Variants in ATP6V1A observed in about 807,000 individuals in gnomAD.
ATP6V1A encodes the protein ATPase H+ transporting V1 subunit A, also known as V-type proton ATPase catalytic subunit A.
A neutral mutation model predicts 70.1 loss-of-function variants in ATP6V1A; 18 were observed. The observed-to-expected ratio is 0.26, with a 90% CI of 0.18 to 0.38. The LOEUF is 0.38. ATP6V1A is among the 10% of genes least tolerant of loss of function. ATP6V1A has a pLI of 1.00. For synonymous variants in ATP6V1A, 232 were observed against 253.8 expected, an observed-to-expected ratio of 0.91 and a Z score of 0.82; for missense variants, 424 against 772.4, an observed-to-expected ratio of 0.55 and a Z score of 5.35.
At chr3:113,793,961 A>G (rs1282715960) in intron 8 of ATP6V1A, among the ~76,000 whole-genome samples, 2 of 152,132 alleles carry the variant, frequency 1.3e-5, no homozygotes, top group Non-Finnish European at 2.9e-5. Flanking sequence ...CATTTATTTA[A>G]TTCACTTCAT....
chr3:113,765,155 G>C (rs1708753773), intron 1 of ATP6V1A, among the ~76,000 whole-genome samples: 1 of 152,030 alleles, frequency 6.6e-6, no homozygotes, highest in Non-Finnish European at 1.5e-5. Context: ...TTAATATTCT[G>C]ATTATCCTCA....
At position 113,784,795 on chromosome 3, in the gene ATP6V1A, G is replaced by A; in HGVS notation, c.526G>A (p.Val176Ile). ...GTTACCCCCACGAAACAGAGGAACT[G>A]TAACTTACATTGCTCCACCTGGGAA... The part of the protein sequence containing the change: ...IMLPPRNRGT[V>I]TYIAPPGNYD... Residue 176 changes from valine to isoleucine, a missense_variant, in exon 5 of 15, where the codon GTA (valine) becomes ATA (isoleucine). Coordinates refer to ENST00000273398, the MANE Select transcript of ATP6V1A (RefSeq NM_001690.4). 6.2e-7 allele frequency: 1 copy of A among 1,614,112 alleles called. No individual in the cohort carries two copies. Among genetic ancestry groups the A allele is most frequent in the Non-Finnish European group, 8.5e-7 (1 of 1,179,966 alleles).
At chr3:113,793,534 C>T (rs1709120993) in intron 8 of ATP6V1A, among the ~76,000 whole-genome samples, 1 of 152,118 alleles carries the variant, frequency 6.6e-6, no homozygotes, top group Non-Finnish European at 1.5e-5. Context: ...TCTTTTCTGC[C>T]ATTTCTTTCT....
chr3:113,747,544 G>A (rs1177688661), intron 1 of ATP6V1A: 15 of 152,314 alleles, frequency 9.8e-5, no homozygotes, highest in Admixed American at 2.6e-4. Context: ...AGGCGTCTCC[G>A]GTGAGACAGG....
intron 1 of ATP6V1A, among the ~76,000 whole-genome samples, chr3:113,767,463 G>A (rs1201226436): frequency 6.6e-6 from 1 of 152,136 alleles, no homozygotes; most frequent in Non-Finnish European, 1.5e-5. Context: ...ATGGAAGGGA[G>A]GAAGTAGGAA....
intron 1 of ATP6V1A, among the ~76,000 whole-genome samples, chr3:113,772,555 G>A (rs933167171): frequency 2.6e-5 from 4 of 151,996 alleles, no homozygotes; most frequent in African/African-American, 4.8e-5. Flanking sequence ...GTGAAATCCC[G>A]TCTCTACTAA....
intron 1 of ATP6V1A, among the ~76,000 whole-genome samples, chr3:113,772,562 C>G (rs374388991): frequency 1.8e-4 from 27 of 152,148 alleles, no homozygotes; most frequent in African/African-American, 5.8e-4. Flanking sequence ...CCCGTCTCTA[C>G]TAAAAATACA....
At chr3:113,780,792 GC>G in intron 2 of ATP6V1A, 1 of 1,324,746 alleles carries the variant, frequency 7.5e-7, no homozygotes, top group Non-Finnish European at 9.9e-7. Context: ...AGGTAAGTTT[GC>G]CATGCAGAAC....
In ATP6V1A at chr3:113,805,467, C is replaced by T. The variant is rs752132015; in HGVS notation, c.1703C>T (p.Ser568Phe). The change falls in exon 14 of 15, where the codon TCC becomes TTC. Residue 568 changes from serine to phenylalanine, a missense_variant. Physicochemically the swap from Ser to Phe is radical, Grantham distance 155. Transcript: ENST00000273398. ...CAGAGTGACAATAAAATCACATGGT[C>T]CATTATTCGTGAGCACATGGGAGAC... ...TAQSDNKITW[S>F]IIREHMGDIL... is the part of the protein sequence containing the mutation. The T allele has an allele frequency of 6.2e-7, 1 of 1,613,974 alleles. No homozygotes were observed. Among genetic ancestry groups the T allele is most frequent in the South Asian group, 1.1e-5 (1 of 91,078 alleles).
At chr3:113,764,114 G>A (rs1010608124) in intron 1 of ATP6V1A, among the ~76,000 whole-genome samples, 2 of 152,074 alleles carry the variant, frequency 1.3e-5, no homozygotes, top group Non-Finnish European at 2.9e-5. Context: ...GTACATGCCT[G>A]TGGTCCCAGT....
intron 1 of ATP6V1A, among the ~76,000 whole-genome samples, chr3:113,771,425 TTC>T (rs1229028329): frequency 7.4e-6 from 1 of 135,494 alleles, no homozygotes; most frequent in African/African-American, 2.6e-5. Context: ...TTGCATATTT[TTC>T]TCTTTTTTTT....
At chr3:113,771,969 G>C (rs1708846668) in intron 1 of ATP6V1A, among the ~76,000 whole-genome samples, 1 of 152,138 alleles carries the variant, frequency 6.6e-6, no homozygotes, top group South Asian at 2.1e-4. Context: ...ATAGAGGAGT[G>C]GTTATTCACT....
chr3:113,805,599 T>A, intron 14 of ATP6V1A, 74 bp downstream of exon 14: 1 of 1,415,896 alleles, frequency 7.1e-7, no homozygotes, highest in Non-Finnish European at 9.7e-7. Context: ...AGACAGAGTC[T>A]CACTCTGTTG....
At chr3:113,790,227 C>T (rs1409031188) in intron 8 of ATP6V1A, among the ~76,000 whole-genome samples, 1 of 145,576 alleles carries the variant, frequency 6.9e-6, no homozygotes, top group Non-Finnish European at 1.5e-5. Flanking sequence ...TGCTTGAATC[C>T]GGGAGGCAGA....
In ATP6V1A at chr3:113,784,813, C is replaced by T. The variant is rs745924533; in HGVS notation, c.544C>T (p.Pro182Ser). 3 of 1,614,092 alleles carry T rather than the reference C, an allele frequency of 1.9e-6. No individual in the cohort carries two copies. Among genetic ancestry groups the T allele is most frequent in the Non-Finnish European group, 2.5e-6 (3 of 1,179,980 alleles). ...AGGAACTGTAACTTACATTGCTCCA[C>T]CTGGGAATTATGATACCTCTGTAAG... ...NRGTVTYIAP[P>S]GNYDTSDVVL... is the part of the protein sequence containing the mutation. Residue 182 changes from proline (P) to serine (S), a missense_variant, in exon 5 of 15, where the codon CCT becomes TCT. This residue lies in a region of ATP6V1A where 139 missense variants were observed against 163.5 expected (regional missense o/e 0.85). Coordinates refer to ENST00000273398, the MANE Select transcript of ATP6V1A (RefSeq NM_001690.4).
At chr3:113,795,313 G>A (rs190036893) in intron 10 of ATP6V1A, 109 bp downstream of exon 10, 4 of 1,216,736 alleles carry the variant, frequency 3.3e-6, no homozygotes, top group East Asian at 2.6e-5. Flanking sequence ...CCCGCTGGGA[G>A]CAGCGGTTCT....
intron 2 of ATP6V1A, among the ~76,000 whole-genome samples, chr3:113,780,297 A>G (rs1297325082): frequency 6.6e-6 from 1 of 152,210 alleles, no homozygotes; most frequent in Admixed American, 6.5e-5. Flanking sequence ...GCTAAATATT[A>G]AAAATTGGTT....
intron 6 of ATP6V1A, among the ~76,000 whole-genome samples, chr3:113,788,368 C>T (rs1350595145): frequency 6.7e-6 from 1 of 150,300 alleles, no homozygotes; most frequent in East Asian, 1.9e-4. Context: ...GAGTTTTTTG[C>T]TCGTCACCCA....
In ATP6V1A at chr3:113,780,585, G is replaced by C. The variant is rs1577088366; in HGVS notation, c.83-465G>C. 5 of 374,780 alleles carry C rather than the reference G, an allele frequency of 1.3e-5. No individual in the cohort carries two copies. The East Asian group carries it at 2.5e-4, about 19-fold the overall frequency. The allele number at this position is 374,780 out of a possible 1,614,324, so 23.2% of individuals were successfully genotyped here. A position where few individuals can be genotyped will look rare whatever the true frequency, so the allele number is the denominator to read the frequency against. ...TAAGAACTACTGCTATAAGTTATTA[G>C]AAAGTAAACATGTTGCTTTAGGTCT... is the stretch of plus-strand genomic sequence containing the variant. On this transcript the variant is annotated intron_variant, in intron 2 of 14. Coordinates refer to ENST00000273398, the MANE Select transcript of ATP6V1A (RefSeq NM_001690.4).
Sources: gnomAD v4.1 joint callset for allele counts (sites outside exome capture counted in the v4.1 genomes callset) on GRCh38, gnomAD v4.1.1 for gene constraint, gnomAD v4.1.1 regional missense constraint, MANE v1.5 for transcripts, NCBI Gene and HGNC (gene_info 2026-07-23, HGNC 2026-07-21) for gene names.